Variants in MYO16 observed in about 807,000 individuals in gnomAD.
The protein encoded by MYO16 is unconventional myosin-XVI.
Under a neutral mutation model 205.3 loss-of-function variants are expected in MYO16, and 94 were observed. That is an observed-to-expected ratio of 0.46 (90% confidence interval 0.39 to 0.54). MYO16 has a LOEUF of 0.54. MYO16 is among the 20% of genes least tolerant of loss of function. The probability of loss-of-function intolerance (pLI) is 0.00; values close to 1 mark genes in which losing one functional copy is unlikely to be tolerated. For missense variants in MYO16, 2,315 were observed against 2,387.5 expected, an observed-to-expected ratio of 0.97 and a Z score of 0.63; for synonymous variants, 988 against 954.0, an observed-to-expected ratio of 1.04 and a Z score of -0.66.
chr13:109,140,517 C>A lies in MYO16; in HGVS notation c.4305C>A (p.Ile1435=), dbSNP rs1356735853. The change falls in exon 32 of 35, where the codon ATC becomes ATA. Residue 1435 remains isoleucine (I), a synonymous_variant. Transcript: ENST00000457511. This position sits in a 1 kb window ranked among gnomAD's most constrained non-coding sequence, Gnocchi z 8.0. ...GDEDDSEPVY[I]EMLGHAARPD... is the part of the protein sequence containing the mutation. ...AGGACGACAGCGAGCCTGTGTACAT[C>A]GAGATGCTGGGGCACGCGGCCAGGC... 1.5e-5 allele frequency: 23 copies of A among 1,552,620 alleles called. No individual in the cohort carries two copies. The highest frequency in any genetic ancestry group is 2.0e-5 in the Non-Finnish European group (23 of 1,157,488).
intron 1 of MYO16, among the ~76,000 whole-genome samples, chr13:108,647,266 C>G (rs1880795610): frequency 6.6e-6 from 1 of 152,084 alleles, no homozygotes; most frequent in African/African-American, 2.4e-5. Context: ...AACTCAGACT[C>G]TCCTAACTTT....
chr13:108,505,479 A>T, the MYO16 span, among the ~76,000 whole-genome samples: 21 of 152,350 alleles, frequency 1.4e-4, no homozygotes, highest in African/African-American at 4.8e-4. Context: ...TCTTCTTTAG[A>T]GAAAGGTTAT....
intron 9 of MYO16, among the ~76,000 whole-genome samples, chr13:108,828,946 T>A (rs748407386): frequency 8.5e-5 from 13 of 152,196 alleles, no homozygotes; most frequent in Admixed American, 2.0e-4. Context: ...TTGTCTTAAT[T>A]TGTATCCTTT....
the MYO16 span, among the ~76,000 whole-genome samples, chr13:108,544,803 A>G: frequency 6.6e-6 from 1 of 152,068 alleles, no homozygotes; most frequent in African/African-American, 2.4e-5. Context: ...CCATGGGTTC[A>G]GTTGTTATGA....
chr13:108,517,852 G>C, the MYO16 span, among the ~76,000 whole-genome samples: 2 of 152,176 alleles, frequency 1.3e-5, no homozygotes, highest in Admixed American at 6.5e-5. Context: ...CAGCAGATTT[G>C]GTGTCTGGTG....
At chr13:108,580,046 T>TTTACGTAATAAA in the MYO16 span, among the ~76,000 whole-genome samples, 1 of 152,088 alleles carries the variant, frequency 6.6e-6, no homozygotes, top group African/African-American at 2.4e-5. Context: ...AATAATATAA[T>TTTACGTAATAAA]TCAAATACGT....
chr13:108,520,119 C>T, the MYO16 span, among the ~76,000 whole-genome samples: 1 of 151,746 alleles, frequency 6.6e-6, no homozygotes, highest in Non-Finnish European at 1.5e-5. Context: ...TTGTCTCCTT[C>T]CCTCTCTCCT....
At chr13:109,086,859 TATTAA>T (rs1439852886) in intron 27 of MYO16, among the ~76,000 whole-genome samples, 1 of 152,214 alleles carries the variant, frequency 6.6e-6, no homozygotes, top group Admixed American at 6.5e-5. Flanking sequence ...CCATTATTTG[TATTAA>T]ATTGATCATT....
intron 12 of MYO16, among the ~76,000 whole-genome samples, chr13:108,882,753 G>A (rs1879679503): frequency 6.6e-6 from 1 of 152,132 alleles, no homozygotes. Context: ...CACAGTTTCA[G>A]CTTACTGCAC....
intron 2 of MYO16, among the ~76,000 whole-genome samples, chr13:108,700,997 A>G (rs1220325256): frequency 1.3e-5 from 2 of 152,198 alleles, no homozygotes; most frequent in Non-Finnish European, 2.9e-5. Context: ...CCAGCATAGA[A>G]GCCCAGATCC....
At chr13:109,147,916 C>T (rs1221573294) in intron 32 of MYO16, among the ~76,000 whole-genome samples, 1 of 152,186 alleles carries the variant, frequency 6.6e-6, no homozygotes, top group Non-Finnish European at 1.5e-5. Context: ...CTCCATTTAT[C>T]ACTAAGTGGA....
intron 7 of MYO16, among the ~76,000 whole-genome samples, chr13:108,813,908 A>T (rs941302914): frequency 2.6e-5 from 4 of 152,184 alleles, no homozygotes; most frequent in Non-Finnish European, 5.9e-5. Flanking sequence ...GGCCTGCTTA[A>T]TTCAGTTTTG....
chr13:108,851,265 A>T (rs1034649361), intron 10 of MYO16, among the ~76,000 whole-genome samples: 1 of 152,202 alleles, frequency 6.6e-6, no homozygotes, highest in African/African-American at 2.4e-5. Context: ...GAATATGCAT[A>T]TGGATTAATT....
intron 2 of MYO16, among the ~76,000 whole-genome samples, chr13:108,680,394 C>T (rs1300747344): frequency 6.6e-6 from 1 of 152,096 alleles, no homozygotes; most frequent in East Asian, 1.9e-4. Flanking sequence ...GAGTTTTTTC[C>T]ATTCATCTTA....
At chr13:108,897,584 CAA>C (rs898780262) in intron 14 of MYO16, among the ~76,000 whole-genome samples, 19 of 152,296 alleles carry the variant, frequency 1.2e-4, no homozygotes, top group African/African-American at 4.6e-4. Context: ...TGTTCTATGC[CAA>C]TGTTTAAATA....
the MYO16 span, among the ~76,000 whole-genome samples, chr13:108,558,974 T>C: frequency 1.4e-5 from 2 of 144,424 alleles, no homozygotes; most frequent in Admixed American, 1.4e-4. Flanking sequence ...AGTGAGCTGA[T>C]GAGATGTTGA....
intron 9 of MYO16, among the ~76,000 whole-genome samples, chr13:108,838,100 G>A (rs411652): frequency 6.6e-6 from 1 of 152,000 alleles, no homozygotes; most frequent in Non-Finnish European, 1.5e-5. Context: ...CACAGGTTCT[G>A]GAGCTTAGAA....
chr13:108,888,913 G>T (rs1880033270), intron 14 of MYO16, among the ~76,000 whole-genome samples: 1 of 152,130 alleles, frequency 6.6e-6, no homozygotes, highest in African/African-American at 2.4e-5. Context: ...AAATTAGCCA[G>T]GAGTGGTGGC....
At chr13:108,617,298 G>A (rs530868890) in intron 1 of MYO16, among the ~76,000 whole-genome samples, 2 of 152,256 alleles carry the variant, frequency 1.3e-5, no homozygotes, top group Admixed American at 1.3e-4. Flanking sequence ...GTTCTCTGGG[G>A]ATGCTGCTGC....
Sources: allele counts gnomAD v4.1 joint callset (sites outside exome capture counted in the v4.1 genomes callset), GRCh38; gene constraint gnomAD v4.1.1; non-coding constraint Gnocchi (gnomAD v3.1); transcripts MANE v1.5; gene names NCBI Gene and HGNC (gene_info 2026-07-23, HGNC 2026-07-21).